The following AUTS2 variants were observed in gnomAD, a reference collection of about 807,000 sequenced individuals.
The protein encoded by AUTS2 is autism susceptibility gene 2 protein.
A neutral mutation model predicts 112.4 loss-of-function variants in AUTS2; 17 were observed. The observed-to-expected ratio is 0.15, with a 90% CI of 0.10 to 0.23. The LOEUF is 0.23. Among genes scored for constraint, AUTS2 ranks in the 10% least tolerant of loss-of-function variants. The pLI is 1.00. For synonymous variants in AUTS2, 751 were observed against 702.7 expected, an observed-to-expected ratio of 1.07 and a Z score of -1.09; for missense variants, 1,510 against 1,701.6, an observed-to-expected ratio of 0.89 and a Z score of 1.98.
At chr7:70,515,207 A>G (rs971338367) in intron 5 of AUTS2, among the ~76,000 whole-genome samples, 25 of 152,176 alleles carry the variant, frequency 1.6e-4, no homozygotes, top group Admixed American at 3.3e-4. Flanking sequence ...AATGAGGAAT[A>G]ACATGATCAG....
intron 4 of AUTS2, among the ~76,000 whole-genome samples, chr7:70,349,576 G>A (rs894991968): frequency 6.6e-6 from 1 of 151,884 alleles, no homozygotes; most frequent in Admixed American, 6.6e-5. Context: ...AGAGGTTAGC[G>A]CCTTCTTTGG....
intron 4 of AUTS2, among the ~76,000 whole-genome samples, chr7:70,269,888 T>C (rs1434326341): frequency 6.6e-6 from 1 of 152,158 alleles, no homozygotes; most frequent in African/African-American, 2.4e-5. Flanking sequence ...AAAAACAGAA[T>C]TGAGGCCAGG....
chr7:69,836,806 T>C (rs1054346299), intron 1 of AUTS2, among the ~76,000 whole-genome samples: 24 of 152,354 alleles, frequency 1.6e-4, no homozygotes, highest in African/African-American at 5.8e-4. Flanking sequence ...TAGCGTTTAC[T>C]TATTGCTCAA....
chr7:70,045,784 C>CTTTT (rs746154629), intron 2 of AUTS2, among the ~76,000 whole-genome samples: 2 of 126,794 alleles, frequency 1.6e-5, no homozygotes, highest in Admixed American at 8.2e-5. Flanking sequence ...AATTTTCTAC[C>CTTTT]TTTTTTTTTT....
intron 1 of AUTS2, among the ~76,000 whole-genome samples, chr7:69,790,606 T>C (rs1240967675): frequency 5.3e-5 from 8 of 152,256 alleles, no homozygotes; most frequent in Non-Finnish European, 8.8e-5. Flanking sequence ...AAAATTATAA[T>C]GATACCTGCC....
At chr7:70,021,225 G>A (rs368348020) in intron 2 of AUTS2, among the ~76,000 whole-genome samples, 33 of 150,888 alleles carry the variant, frequency 2.2e-4, no homozygotes, top group South Asian at 4.2e-4. Context: ...CAGGTGATCC[G>A]CCCGCCTTGG....
intron 4 of AUTS2, among the ~76,000 whole-genome samples, chr7:70,171,905 T>TGGGGGGG (rs567903138): frequency 6.8e-6 from 1 of 146,704 alleles, no homozygotes; most frequent in African/African-American, 2.5e-5. Flanking sequence ...TTTTTTTTTT[T>TGGGGGGG]GGGGGGGGGT....
intron 2 of AUTS2, among the ~76,000 whole-genome samples, chr7:70,059,926 A>T (rs1802166440): frequency 6.6e-6 from 1 of 152,198 alleles, no homozygotes; most frequent in African/African-American, 2.4e-5. Flanking sequence ...AAAATTAACA[A>T]GTTGACATTT....
At chr7:69,959,247 T>TG (rs1261904751) in intron 2 of AUTS2, among the ~76,000 whole-genome samples, 2 of 152,190 alleles carry the variant, frequency 1.3e-5, no homozygotes, top group African/African-American at 2.4e-5. Flanking sequence ...AATATTTTCT[T>TG]GGTTACAATA....
chr7:69,949,151 A>C (rs1213498969), intron 2 of AUTS2, among the ~76,000 whole-genome samples: 1 of 152,164 alleles, frequency 6.6e-6, no homozygotes, highest in African/African-American at 2.4e-5. Context: ...TGTAATTTGC[A>C]CTTATCTACC....
At chr7:70,665,445 A>G (rs1429548503) in intron 5 of AUTS2, among the ~76,000 whole-genome samples, 1 of 138,072 alleles carries the variant, frequency 7.2e-6, no homozygotes, top group Non-Finnish European at 1.5e-5. Context: ...TTATTTATCT[A>G]TTTATCTATT....
chr7:70,404,077 T>A (rs1043718842), intron 4 of AUTS2, among the ~76,000 whole-genome samples: 1 of 152,234 alleles, frequency 6.6e-6, no homozygotes, highest in African/African-American at 2.4e-5. Context: ...ATATCTTCCA[T>A]ATGTATTTTT....
chr7:70,660,748 C>T (rs914310123), intron 5 of AUTS2, among the ~76,000 whole-genome samples: 1 of 152,232 alleles, frequency 6.6e-6, no homozygotes, highest in Admixed American at 6.5e-5. Flanking sequence ...CATGGGAAGG[C>T]TCTGGGGCTT....
Position 70,793,315 on chromosome 7 carries a change from T to A in AUTS2, c.*2319T>A, listed in dbSNP as rs2129562148. The A allele has an allele frequency of 6.6e-6, 1 of 152,302 alleles. No homozygotes were observed. The highest frequency in any genetic ancestry group is 2.1e-4 in the South Asian group (1 of 4,822). 9.4% of individuals were successfully genotyped at this position (152,302 alleles called of 1,614,324 possible). ...TTGCTCGTTGTATTGCATTTCAATC[T>A]GTGGACTCGGTCAGTCATATGTTAC... On this transcript the variant is annotated 3_prime_UTR_variant, in exon 19 of 19. Coordinates refer to ENST00000342771, the MANE Select transcript of AUTS2 (RefSeq NM_015570.4).
chr7:70,349,733 C>T (rs928994248), intron 4 of AUTS2, among the ~76,000 whole-genome samples: 2 of 151,778 alleles, frequency 1.3e-5, no homozygotes, highest in East Asian at 1.9e-4. Flanking sequence ...GTGGACAAAC[C>T]GAAGTCATTT....
chr7:70,707,380 C>T (rs1175798124), intron 6 of AUTS2, among the ~76,000 whole-genome samples: 1 of 152,128 alleles, frequency 6.6e-6, no homozygotes, highest in Non-Finnish European at 1.5e-5. Context: ...AGGTCGCGCA[C>T]CTAGTAAGTG....
At chr7:69,645,050 T>C (rs868848328) in intron 1 of AUTS2, among the ~76,000 whole-genome samples, 12 of 150,180 alleles carry the variant, frequency 8.0e-5, no homozygotes, top group Admixed American at 6.0e-4. Flanking sequence ...CGGAGACTAC[T>C]GGCACCTACC....
intron 1 of AUTS2, among the ~76,000 whole-genome samples, chr7:69,864,886 T>G (rs1251091522): frequency 1.3e-5 from 2 of 152,070 alleles, no homozygotes; most frequent in African/African-American, 4.8e-5. Context: ...AAAAGTGTAG[T>G]GAGAAAGGGA....
At chr7:69,637,274 CA>C (rs921353087) in intron 1 of AUTS2, among the ~76,000 whole-genome samples, 10 of 152,146 alleles carry the variant, frequency 6.6e-5, no homozygotes, top group African/African-American at 2.4e-4. Flanking sequence ...ATTACTTGGA[CA>C]GGGGCATGCA....
Sources: gnomAD v4.1 joint callset for allele counts (sites outside exome capture counted in the v4.1 genomes callset) on GRCh38, gnomAD v4.1.1 for gene constraint, MANE v1.5 for transcripts, NCBI Gene and HGNC (gene_info 2026-07-23, HGNC 2026-07-21) for gene names.